PDIA5: variants seen among roughly 807,000 people sequenced by gnomAD.
PDIA5 encodes protein disulfide-isomerase A5.
In PDIA5, 58 loss-of-function variants were observed where a neutral mutation model predicts 77.6. The ratio of observed to expected loss-of-function variants is 0.75; its 90% CI spans 0.61 to 0.93. The LOEUF (loss-of-function observed/expected upper bound fraction) is 0.93. Among genes scored for constraint, PDIA5 ranks in the 40% least tolerant of loss-of-function variants. The pLI, the probability that PDIA5 is intolerant of heterozygous loss-of-function variation, is 0.00. For synonymous variants in PDIA5, 250 were observed against 252.1 expected, an observed-to-expected ratio of 0.99 and a Z score of 0.08; for missense variants, 630 against 647.7, an observed-to-expected ratio of 0.97 and a Z score of 0.30.
rs1576443589 is a variant in PDIA5 at position 123,102,476 on chromosome 3, T to C, written c.323T>C (p.Val108Ala). The change falls in exon 4 of 17, where the codon GTT (valine) becomes GCT (alanine). Residue 108 changes from valine (V) to alanine (A), a missense_variant. Coordinates refer to ENST00000316218, the MANE Select transcript of PDIA5 (RefSeq NM_006810.4). ...GACCTGAGCCCGAAGGACAAAAAGG[T>C]TGAATTATTCCATTACCAGTAAGTA... is the stretch of plus-strand genomic sequence containing the variant. ...KVDLSPKDKKVELFHYQDGAF... is the reference protein window; with the variant it reads ...KVDLSPKDKKAELFHYQDGAF... The C allele has an allele frequency of 5.6e-6, 9 of 1,613,660 alleles. No homozygotes were observed. The East Asian group carries it at 2.0e-4, about 36-fold the overall frequency.
At position 123,102,597 on chromosome 3, in the gene PDIA5, A is replaced by G. The variant is rs1183404480; in HGVS notation, c.341+103A>G. 5.0e-5 allele frequency: 54 copies of G among 1,081,798 alleles called. No homozygotes were observed. In the East Asian group the frequency reaches 1.2e-3, roughly 25 times the overall value. The allele number at this position is 1,081,798 out of a possible 1,614,324, so 67.0% of individuals were successfully genotyped here. A position where few individuals can be genotyped will look rare whatever the true frequency, so the allele number is the denominator to read the frequency against. ...TTAGTTAGATTAATTTTATTTCAGA[A>G]TGGTTTTCTTCCTGTGTTTACAATT... On this transcript the variant is annotated intron_variant, in intron 4 of 16. Coordinates refer to ENST00000316218, the MANE Select transcript of PDIA5 (RefSeq NM_006810.4).
chr3:123,132,623 G>A (rs146049350), intron 11 of PDIA5, among the ~76,000 whole-genome samples: 72 of 152,340 alleles, frequency 4.7e-4, no homozygotes, highest in Non-Finnish European at 8.7e-4. Flanking sequence ...AAAAGTGCCC[G>A]CCATGAGGCC....
chr3:123,106,874 T>C, intron 6 of PDIA5, 33 bp downstream of exon 6: 4 of 1,460,518 alleles, frequency 2.7e-6, no homozygotes, highest in Non-Finnish European at 3.8e-6. Flanking sequence ...TGATGGATGC[T>C]GGAAGCTTCC....
intron 1 of PDIA5, among the ~76,000 whole-genome samples, chr3:123,068,395 C>T (rs1933635420): frequency 6.6e-6 from 1 of 152,154 alleles, no homozygotes; most frequent in African/African-American, 2.4e-5. Context: ...GAAAGAAGCC[C>T]CCTGTTCTCT....
chr3:123,104,803 G>T (rs1331739728), intron 5 of PDIA5, among the ~76,000 whole-genome samples: 1 of 152,206 alleles, frequency 6.6e-6, no homozygotes, highest in East Asian at 1.9e-4. Context: ...ATGAAGGCCA[G>T]ATGTGGTGTC....
intron 14 of PDIA5, among the ~76,000 whole-genome samples, chr3:123,151,856 C>CCTGG (rs1451174395): frequency 1.4e-5 from 2 of 145,846 alleles, no homozygotes; most frequent in Non-Finnish European, 3.0e-5. Flanking sequence ...TTCCTTCCTG[C>CCTGG]CCTCCTTCCT....
intron 10 of PDIA5, among the ~76,000 whole-genome samples, chr3:123,128,491 A>G (rs193162791): frequency 6.6e-6 from 1 of 151,992 alleles, no homozygotes; most frequent in East Asian, 1.9e-4. Flanking sequence ...CACATAATTC[A>G]ATTTATTTTT....
Position 123,092,777 on chromosome 3 carries a change from G to T in PDIA5, c.257+335G>T, listed in dbSNP as rs537638598. On this transcript the variant is annotated intron_variant, in intron 3 of 16. Transcript: ENST00000316218. ...TTACAGAGGGTGGCCTTGATACCCCGAGAGGCAAGGTGATTTTCAAGGTTA... is the reference window on the plus strand; with the variant it reads ...TTACAGAGGGTGGCCTTGATACCCCTAGAGGCAAGGTGATTTTCAAGGTTA... Among the ~76,000 whole-genome samples, 208 of 152,226 alleles carry T rather than the reference G, an allele frequency of 1.4e-3. 1 individual carries two copies. Among genetic ancestry groups the T allele is most frequent in the African/African-American group, 4.7e-3 (195 of 41,534 alleles).
At position 123,161,884 on chromosome 3, in the gene PDIA5, T is replaced by C. The variant is rs759944673; in HGVS notation, c.1484T>C (p.Leu495Ser). ...AEKYDSDRTELGFTNYIRALR... is the reference protein window; with the variant it reads ...AEKYDSDRTESGFTNYIRALR... ...CTCTCTCCCACTTCCCTGCAGGAAT[T>C]GGGATTTACCAATTATATTCGAGCC... The change falls in exon 17 of 17, where the codon TTG (leucine) becomes TCG (serine). Residue 495 changes from leucine to serine, a missense_variant. Leu to Ser is a moderately radical substitution (Grantham distance 145). Transcript: ENST00000316218. The C allele has an allele frequency of 1.9e-6, 3 of 1,583,680 alleles. No individual in the cohort carries two copies. The African/African-American group carries it at 4.0e-5, about 21-fold the overall frequency.
At chr3:123,094,663 G>T (rs1167077780) in intron 3 of PDIA5, among the ~76,000 whole-genome samples, 1 of 152,272 alleles carries the variant, frequency 6.6e-6, no homozygotes, top group Non-Finnish European at 1.5e-5. Context: ...ATGGGCAGAA[G>T]TGGTGCTGGG....
intron 11 of PDIA5, among the ~76,000 whole-genome samples, chr3:123,140,784 T>C (rs928586932): frequency 1.3e-5 from 2 of 152,142 alleles, no homozygotes; most frequent in Non-Finnish European, 2.9e-5. Context: ...GTGCTTTCCT[T>C]ATAGAGGTGG....
At chr3:123,100,031 A>G (rs1277897178) in intron 3 of PDIA5, among the ~76,000 whole-genome samples, 1 of 152,232 alleles carries the variant, frequency 6.6e-6, no homozygotes, top group Non-Finnish European at 1.5e-5. Flanking sequence ...GAGGGAGGCC[A>G]TGCACATCCC....
At chr3:123,135,884 A>G (rs1935491193) in intron 11 of PDIA5, among the ~76,000 whole-genome samples, 1 of 143,028 alleles carries the variant, frequency 7.0e-6, no homozygotes, top group South Asian at 2.2e-4. Context: ...AATCACATGT[A>G]TAGATTTGTG....
intron 7 of PDIA5, among the ~76,000 whole-genome samples, chr3:123,113,817 A>T (rs1934927585): frequency 6.6e-6 from 1 of 152,198 alleles, no homozygotes; most frequent in Non-Finnish European, 1.5e-5. Context: ...GCTCCCCAGG[A>T]TCTACCGCTT....
chr3:123,100,990 T>A (rs988958537), intron 3 of PDIA5, among the ~76,000 whole-genome samples: 1 of 152,212 alleles, frequency 6.6e-6, no homozygotes, highest in Non-Finnish European at 1.5e-5. Flanking sequence ...GTAGCCGAGA[T>A]GCCCTTACTG....
intron 8 of PDIA5, among the ~76,000 whole-genome samples, chr3:123,123,843 C>G (rs751268701): frequency 6.6e-6 from 1 of 152,178 alleles, no homozygotes; most frequent in African/African-American, 2.4e-5. Context: ...AGCAGGCGTG[C>G]GGAGTGCAGC....
At chr3:123,108,670 A>G (rs1934795172) in intron 6 of PDIA5, among the ~76,000 whole-genome samples, 1 of 150,672 alleles carries the variant, frequency 6.6e-6, no homozygotes, top group East Asian at 2.0e-4. Flanking sequence ...GGTGGATCAC[A>G]AGGTCAGGAG....
chr3:123,129,430 T>C (rs702029), intron 10 of PDIA5, among the ~76,000 whole-genome samples: 110,380 of 152,134 alleles, frequency 0.73, 40,725 homozygotes, highest in Non-Finnish European at 0.8. Context: ...CGGAGGGAAG[T>C]GGGTGGCAGA....
chr3:123,110,056 G>A (rs1442840401), intron 6 of PDIA5, among the ~76,000 whole-genome samples: 2 of 152,202 alleles, frequency 1.3e-5, no homozygotes, highest in South Asian at 2.1e-4. Context: ...AAATGTGGTT[G>A]AGCAGCTTAC....
Sources: gnomAD v4.1 joint callset for allele counts (sites outside exome capture counted in the v4.1 genomes callset) on GRCh38, gnomAD v4.1.1 for gene constraint, MANE v1.5 for transcripts, NCBI Gene and HGNC (gene_info 2026-07-23, HGNC 2026-07-21) for gene names.